PSME4: variants seen among roughly 807,000 people sequenced by gnomAD.
PSME4 encodes proteasome activator subunit 4, also known as proteasome activator complex subunit 4.
In PSME4, 89 loss-of-function variants were observed where a neutral mutation model predicts 253.9. The observed-to-expected ratio is 0.35, with a 90% confidence interval of 0.30 to 0.42. PSME4 has a LOEUF of 0.42. PSME4 is among the 10% of genes least tolerant of loss of function. The probability of loss-of-function intolerance (pLI) is 1.00; values close to 1 mark genes in which losing one functional copy is unlikely to be tolerated. For synonymous variants in PSME4, 851 were observed against 759.2 expected, an observed-to-expected ratio of 1.12 and a Z score of -1.99; for missense variants, 2,014 against 2,195.2, an observed-to-expected ratio of 0.92 and a Z score of 1.65.
rs1246792409 is a variant in PSME4, at chr2:53,874,465, T to C, written c.4974A>G (p.Arg1658=). Residue 1658 remains arginine, a synonymous_variant, in exon 43 of 47, where the codon CGA becomes CGG. Transcript: ENST00000404125. ...QTARSSSWHA[R]YTVLTYLQTM... is the part of the protein sequence containing the mutation. ...TCTGGAGGTAGGTCAGTACTGTGTA[T>C]CGTGCATGCCAAGAACTGCTTCTTG... 1.9e-6 allele frequency: 3 copies of C among 1,614,028 alleles called. No homozygotes were observed. Among genetic ancestry groups the C allele is most frequent in the Non-Finnish European group, 2.5e-6 (3 of 1,179,978 alleles).
intron 1 of PSME4, among the ~76,000 whole-genome samples, chr2:53,960,686 G>A (rs934365822): frequency 2.6e-5 from 4 of 152,196 alleles, no homozygotes; most frequent in African/African-American, 9.7e-5. Flanking sequence ...TTCTTCACAA[G>A]GCTATGGTGA....
At chr2:53,932,179 G>C in intron 9 of PSME4, 79 bp from the exon 10 acceptor site, 11 of 1,322,064 alleles carry the variant, frequency 8.3e-6, no homozygotes, top group Non-Finnish European at 1.2e-5. Flanking sequence ...CTAGCTTCTT[G>C]AGAAAAGATT....
rs966766825 is a variant in PSME4, at chr2:53,908,109, G to C, written c.2784+211C>G. 3 of 511,676 alleles carry C rather than the reference G, an allele frequency of 5.9e-6. No individual in the cohort carries two copies. In the African/African-American group the frequency reaches 5.9e-5, roughly 10 times the overall value. 31.7% of individuals were successfully genotyped at this position (511,676 alleles called of 1,614,324 possible). On this transcript the variant is annotated intron_variant, in intron 24 of 46. Transcript: ENST00000404125. ...CATTGAGAGTTTAGAGACTGTCATG[G>C]AAACAGGCAGAAGATTCTGTATAAG...
At chr2:53,942,378 T>A (rs751864954) in intron 3 of PSME4, among the ~76,000 whole-genome samples, 20 of 151,714 alleles carry the variant, frequency 1.3e-4, no homozygotes, top group South Asian at 2.1e-4. Flanking sequence ...TTTTTTTTTT[T>A]AAAATCAAAA....
intron 7 of PSME4, among the ~76,000 whole-genome samples, chr2:53,935,635 T>G (rs1456855950): frequency 6.6e-6 from 1 of 152,192 alleles, no homozygotes; most frequent in African/African-American, 2.4e-5. Context: ...TGTATGATGC[T>G]CTCGATAATA....
intron 3 of PSME4, 27 bp downstream of exon 3, chr2:53,948,394 A>G (rs745505475): frequency 3.4e-6 from 5 of 1,469,950 alleles, no homozygotes; most frequent in South Asian, 1.1e-5. Context: ...GTACTCCCAA[A>G]TAAGTGCTTT....
intron 20 of PSME4, among the ~76,000 whole-genome samples, chr2:53,918,636 AT>A (rs938589396): frequency 2.6e-5 from 4 of 151,842 alleles, no homozygotes; most frequent in Non-Finnish European, 5.9e-5. Context: ...TTCTAACTTA[AT>A]TTTTTTTCAC....
intron 38 of PSME4, 140 bp downstream of exon 38, chr2:53,888,581 G>T: frequency 1.8e-6 from 1 of 546,688 alleles, no homozygotes; most frequent in East Asian, 2.8e-5. Flanking sequence ...CATGTTATAT[G>T]GAACCAGATC....
At chr2:53,897,257 C>T (rs1208854693) in intron 31 of PSME4, among the ~76,000 whole-genome samples, 4 of 151,908 alleles carry the variant, frequency 2.6e-5, no homozygotes, top group Non-Finnish European at 4.4e-5. Context: ...GCAACCTCCC[C>T]CTCCCGGGTT....
At chr2:53,889,158 C>G (rs183284749) in intron 37 of PSME4, among the ~76,000 whole-genome samples, 1 of 152,138 alleles carries the variant, frequency 6.6e-6, no homozygotes, top group Non-Finnish European at 1.5e-5. Flanking sequence ...AGCTAGTGCA[C>G]CCAGCCATAT....
At chr2:53,881,194 T>C (rs532556662) in intron 41 of PSME4, among the ~76,000 whole-genome samples, 1 of 152,316 alleles carries the variant, frequency 6.6e-6, no homozygotes, top group South Asian at 2.1e-4. Flanking sequence ...TTATAAGATA[T>C]TTTTCTCCTG....
intron 41 of PSME4, among the ~76,000 whole-genome samples, chr2:53,883,528 G>A (rs1207372226): frequency 3.9e-5 from 6 of 152,248 alleles, no homozygotes; most frequent in East Asian, 3.9e-4. Context: ...GCTGCCATTC[G>A]CTGGTCTCTC....
chr2:53,956,100 T>C (rs1049261519), intron 1 of PSME4, among the ~76,000 whole-genome samples: 2 of 151,780 alleles, frequency 1.3e-5, no homozygotes, highest in Non-Finnish European at 2.9e-5. Flanking sequence ...CTGGGCAACA[T>C]AGCAAAACCA....
At chr2:53,923,025 G>A (rs1455038012) in intron 16 of PSME4, 24 bp downstream of exon 16, 1 of 1,453,900 alleles carries the variant, frequency 6.9e-7, no homozygotes, top group South Asian at 1.5e-5. Flanking sequence ...ATTGTAAAGA[G>A]AGAATAATGA....
intron 36 of PSME4, 139 bp downstream of exon 36, chr2:53,892,669 A>G: frequency 1.4e-6 from 1 of 703,786 alleles, no homozygotes; most frequent in Non-Finnish European, 2.1e-6. Flanking sequence ...AATCAAAAGC[A>G]ATGTCTACAT....
intron 36 of PSME4, among the ~76,000 whole-genome samples, chr2:53,892,267 T>C (rs1372862287): frequency 1.3e-5 from 2 of 152,190 alleles, no homozygotes; most frequent in East Asian, 3.9e-4. Context: ...TTTGACCAGG[T>C]TATTTTTAGT....
intron 27 of PSME4, among the ~76,000 whole-genome samples, 156 bp downstream of exon 27, chr2:53,903,869 T>TA (rs34521882): frequency 0.13 from 18,630 of 145,582 alleles, 1,966 homozygotes; most frequent in African/African-American, 0.3. Flanking sequence ...TGAAATACAT[T>TA]AAAAAAAAGA....
chr2:53,895,643 T>G lies in PSME4; in HGVS notation c.3782A>C (p.Lys1261Thr), dbSNP rs761029696. ...YDSKTIPRTK[K>T]EWESSCFVEK... ...CACAAAGCAACTTGACTCCCATTCT[T>G]TTTTAGTTCTTGGTATAGTTTTGCT... is the stretch of plus-strand genomic sequence containing the variant. Residue 1261 changes from lysine (K) to threonine (T), a missense_variant, in exon 33 of 47, where the codon AAA becomes ACA. Coordinates refer to ENST00000404125, the MANE Select transcript of PSME4 (RefSeq NM_014614.3). 6 of 1,613,700 alleles carry G rather than the reference T, an allele frequency of 3.7e-6. No homozygotes were observed. The South Asian group carries it at 6.6e-5, about 18-fold the overall frequency.
intron 41 of PSME4, among the ~76,000 whole-genome samples, chr2:53,881,831 G>A (rs1355192685): frequency 1.1e-4 from 16 of 152,086 alleles, no homozygotes; most frequent in Non-Finnish European, 2.2e-4. Context: ...TGATCTGCCC[G>A]CCTCGGTCTC....
Sources: gnomAD v4.1 joint callset for allele counts (sites outside exome capture counted in the v4.1 genomes callset) on GRCh38, gnomAD v4.1.1 for gene constraint, MANE v1.5 for transcripts, NCBI Gene and HGNC (gene_info 2026-07-23, HGNC 2026-07-21) for gene names.